The following ADGRB3 variants were observed in gnomAD, a reference collection of about 807,000 sequenced individuals.
ADGRB3 encodes brain-specific angiogenesis inhibitor 3.
A neutral mutation model predicts 193.4 loss-of-function variants in ADGRB3; 37 were observed. The ratio of observed to expected loss-of-function variants is 0.19; its 90% CI spans 0.15 to 0.25. The LOEUF (loss-of-function observed/expected upper bound fraction) is 0.25. Among genes scored for constraint, ADGRB3 ranks in the 10% least tolerant of loss-of-function variants. The pLI is 1.00. For synonymous variants in ADGRB3, 690 were observed against 644.2 expected, an observed-to-expected ratio of 1.07 and a Z score of -1.08; for missense variants, 1,637 against 1,852.9, an observed-to-expected ratio of 0.88 and a Z score of 2.14.
At chr6:69,008,777 TACA>T (rs1209562027) in intron 11 of ADGRB3, among the ~76,000 whole-genome samples, 7 of 152,142 alleles carry the variant, frequency 4.6e-5, no homozygotes, top group Admixed American at 2.6e-4. Context: ...CCTGTAGTCC[TACA>T]ACTTCTCAAA....
chr6:69,031,025 TCCTC>T (rs1770642672), intron 13 of ADGRB3, among the ~76,000 whole-genome samples: 1 of 68,978 alleles, frequency 1.4e-5, no homozygotes, highest in Admixed American at 1.3e-4. Context: ...CTTTTTTTTT[TCCTC>T]TTCTCTTCTC....
intron 20 of ADGRB3, among the ~76,000 whole-genome samples, chr6:69,273,219 C>A (rs11755273): frequency 0.095 from 14,392 of 152,108 alleles, 743 homozygotes; most frequent in Middle Eastern, 0.23. Flanking sequence ...AGTCTAAATT[C>A]TCTCCCATAA....
intron 3 of ADGRB3, among the ~76,000 whole-genome samples, chr6:68,680,283 A>T (rs1415940717): frequency 1.3e-5 from 2 of 152,118 alleles, no homozygotes; most frequent in Non-Finnish European, 2.9e-5. Flanking sequence ...ACTAGAAGGA[A>T]AAAAAAACCA....
At chr6:68,721,408 T>C (rs537997689) in intron 3 of ADGRB3, among the ~76,000 whole-genome samples, 22 of 147,848 alleles carry the variant, frequency 1.5e-4, no homozygotes, top group South Asian at 1.1e-3. Context: ...TTCTCACTCA[T>C]AGGTGGGAAT....
In ADGRB3 at chr6:68,827,917, G is replaced by A. The variant is rs987280502; in HGVS notation, c.758-102642G>A. Among the ~76,000 whole-genome samples the A allele has an allele frequency of 3.3e-5, 5 of 152,186 alleles. No individual in the cohort carries two copies. The South Asian group carries it at 1.0e-3, about 32-fold the overall frequency. On this transcript the variant is annotated intron_variant, in intron 3 of 31. Coordinates refer to ENST00000370598, the MANE Select transcript of ADGRB3 (RefSeq NM_001704.3). ...TCGTGTCCAATGGAACTTACCCCAT[G>A]GTTTCCTTCAGGCCTTCATAGCACT... is the stretch of plus-strand genomic sequence containing the variant.
intron 20 of ADGRB3, among the ~76,000 whole-genome samples, chr6:69,241,786 T>G (rs1028720267): frequency 6.6e-6 from 1 of 151,980 alleles, no homozygotes; most frequent in African/African-American, 2.4e-5. Context: ...AAAGTGGTTT[T>G]GTATCAGATT....
At chr6:69,083,105 A>G (rs1772434601) in intron 17 of ADGRB3, among the ~76,000 whole-genome samples, 1 of 152,204 alleles carries the variant, frequency 6.6e-6, no homozygotes. Flanking sequence ...TGATCTGAAA[A>G]AAATCTTATT....
chr6:69,386,731 C>T (rs937886989), intron 31 of ADGRB3, among the ~76,000 whole-genome samples: 12 of 152,186 alleles, frequency 7.9e-5, no homozygotes, highest in African/African-American at 2.9e-4. Flanking sequence ...CATTCAGCCA[C>T]CAGACCTCCA....
chr6:69,356,901 A>G (rs770154626), intron 28 of ADGRB3, among the ~76,000 whole-genome samples: 20 of 152,200 alleles, frequency 1.3e-4, no homozygotes, highest in South Asian at 4.1e-4. Context: ...GATAGTTCCA[A>G]TTGTTGGAAT....
intron 10 of ADGRB3, among the ~76,000 whole-genome samples, chr6:68,988,835 C>G (rs1486086859): frequency 6.6e-6 from 1 of 152,128 alleles, no homozygotes; most frequent in Non-Finnish European, 1.5e-5. Flanking sequence ...AAACCCTATG[C>G]ATTCTCAGGC....
chr6:69,248,859 G>A (rs1005238468), intron 20 of ADGRB3, among the ~76,000 whole-genome samples: 4 of 152,190 alleles, frequency 2.6e-5, no homozygotes, highest in African/African-American at 4.8e-5. Flanking sequence ...CAGTTCTGAC[G>A]TGTCTACCCA....
chr6:69,368,714 G>C (rs1769640209), intron 29 of ADGRB3, among the ~76,000 whole-genome samples: 1 of 152,062 alleles, frequency 6.6e-6, no homozygotes. Flanking sequence ...AAAATAAGAA[G>C]ACTGAGAGCT....
At chr6:68,864,120 C>T (rs976864606) in intron 3 of ADGRB3, among the ~76,000 whole-genome samples, 1 of 152,108 alleles carries the variant, frequency 6.6e-6, no homozygotes, top group African/African-American at 2.4e-5. Context: ...AGGGAAAAAA[C>T]AAATATTTCA....
intron 3 of ADGRB3, among the ~76,000 whole-genome samples, chr6:68,827,735 G>A (rs971441897): frequency 6.6e-6 from 1 of 152,142 alleles, no homozygotes; most frequent in Non-Finnish European, 1.5e-5. Context: ...ATGGTCAGAA[G>A]TGGCTATTTT....
intron 31 of ADGRB3, among the ~76,000 whole-genome samples, chr6:69,388,047 G>A (rs1340080807): frequency 6.6e-6 from 1 of 151,990 alleles, no homozygotes; most frequent in East Asian, 1.9e-4. Flanking sequence ...AAACTTTATA[G>A]AATTTATTGG....
chr6:69,249,333 C>T (rs147857107), intron 20 of ADGRB3, among the ~76,000 whole-genome samples: 152 of 152,170 alleles, frequency 1.0e-3, no homozygotes, highest in African/African-American at 3.4e-3. Flanking sequence ...CTTATGATGC[C>T]GATTGGTTAC....
intron 17 of ADGRB3, among the ~76,000 whole-genome samples, chr6:69,223,798 A>C (rs1388207336): frequency 6.6e-6 from 1 of 151,682 alleles, no homozygotes; most frequent in East Asian, 1.9e-4. Flanking sequence ...TTGGGAGTAC[A>C]GGCAGGCACC....
At chr6:69,244,578 G>T (rs1766453432) in intron 20 of ADGRB3, among the ~76,000 whole-genome samples, 2 of 151,980 alleles carry the variant, frequency 1.3e-5, no homozygotes, top group Non-Finnish European at 2.9e-5. Flanking sequence ...ATTCAGTTCT[G>T]CCTGATACCC....
chr6:69,234,963 C>A, intron 18 of ADGRB3, 69 bp from the exon 19 acceptor site: 2 of 1,244,918 alleles, frequency 1.6e-6, no homozygotes, highest in Non-Finnish European at 2.3e-6. Flanking sequence ...GTTAGCTTTG[C>A]TGAGTCTAGA....
Sources: allele counts gnomAD v4.1 joint callset (sites outside exome capture counted in the v4.1 genomes callset), GRCh38; gene constraint gnomAD v4.1.1; transcripts MANE v1.5; gene names NCBI Gene and HGNC (gene_info 2026-07-23, HGNC 2026-07-21).